The following RGSL1 variants were observed in gnomAD, a reference collection of about 807,000 sequenced individuals.
RGSL1 encodes the protein regulator of G protein signaling protein-like.
RGSL1 carries 97 observed loss-of-function variants against 124.7 expected under a neutral mutation model. That is an observed-to-expected ratio of 0.78 (90% CI 0.66 to 0.92). The LOEUF is 0.92. RGSL1 is among the 40% of genes least tolerant of loss of function. The probability of loss-of-function intolerance (pLI) is 0.00; values close to 1 mark genes in which losing one functional copy is unlikely to be tolerated. For synonymous variants in RGSL1, 424 were observed against 438.1 expected (o/e 0.97, Z 0.40); for missense variants, 1,233 against 1,288.4 (o/e 0.96, Z 0.66).
chr1:182,458,254 G>C lies in RGSL1; in HGVS notation c.97-65G>C. ...CCTCCCTTCCTCTGTGGCTGTAGAG[G>C]GACTGTGTCATATACATGAAGAGAA... On this transcript the variant is annotated intron_variant, in intron 2 of 21. Coordinates refer to ENST00000294854, the MANE Select transcript of RGSL1 (RefSeq NM_001137669.2). 6 of 1,191,890 alleles carry C rather than the reference G, an allele frequency of 5.0e-6. No homozygotes were observed. In the South Asian group the frequency reaches 6.7e-5, roughly 13 times the overall value. 73.8% of individuals were successfully genotyped at this position (1,191,890 alleles called of 1,614,324 possible). A position where few individuals can be genotyped will look rare whatever the true frequency, so the allele number is the denominator to read the frequency against.
intron 15 of RGSL1, among the ~76,000 whole-genome samples, chr1:182,544,279 T>G (rs266532): frequency 0.62 from 93,471 of 151,860 alleles, 29,544 homozygotes; most frequent in Non-Finnish European, 0.69. Flanking sequence ...GGAGCATGTT[T>G]TTTAATTTCC....
chr1:182,527,322 T>C (rs1393092052), intron 10 of RGSL1, among the ~76,000 whole-genome samples: 1 of 152,028 alleles, frequency 6.6e-6, no homozygotes, highest in Admixed American at 6.6e-5. Flanking sequence ...CTTGAAAAAA[T>C]TGTCCTCATT....
In RGSL1 at chr1:182,474,427, A is replaced by G; in HGVS notation, c.1316A>G (p.Glu439Gly). The change falls in exon 6 of 22, where the codon GAG becomes GGG. Residue 439 changes from glutamate to glycine, a missense_variant. Physicochemically the swap from Glu to Gly is moderately conservative, Grantham distance 98. Coordinates refer to ENST00000294854, the MANE Select transcript of RGSL1 (RefSeq NM_001137669.2). ...AGAATCTGCGAGCTCTACCTGAATG[A>G]GCAGATTGGTCCGTGCTTACCACTC... ...GDRICELYLNEQIGPCLPLKS... is the reference protein window; with the variant it reads ...GDRICELYLNGQIGPCLPLKS... 6.4e-7 allele frequency: 1 copy of G among 1,552,044 alleles called. No individual in the cohort carries two copies. Among genetic ancestry groups the G allele is most frequent in the Non-Finnish European group, 8.7e-7 (1 of 1,147,056 alleles).
intron 9 of RGSL1, among the ~76,000 whole-genome samples, chr1:182,513,656 G>T (rs1363262139): frequency 6.6e-6 from 1 of 152,138 alleles, no homozygotes; most frequent in African/African-American, 2.4e-5. Context: ...TCTTTCTTGT[G>T]TCTCCCTATC....
chr1:182,464,634 G>A (rs1653125979), intron 4 of RGSL1, among the ~76,000 whole-genome samples: 2 of 151,406 alleles, frequency 1.3e-5, no homozygotes, highest in African/African-American at 4.9e-5. Flanking sequence ...TGAGGCAGGA[G>A]AATCACTTGA....
At chr1:182,524,162 G>A (rs1658564104) in intron 10 of RGSL1, among the ~76,000 whole-genome samples, 1 of 152,158 alleles carries the variant, frequency 6.6e-6, no homozygotes. Flanking sequence ...AAAAGGTATT[G>A]GGTAGATTAT....
At chr1:182,487,812 T>C (rs267871) in intron 6 of RGSL1, among the ~76,000 whole-genome samples, 11,959 of 152,290 alleles carry the variant, frequency 0.079, 644 homozygotes, top group East Asian at 0.26. Flanking sequence ...TTAATATATC[T>C]AGCTAAGCAC....
intron 4 of RGSL1, among the ~76,000 whole-genome samples, chr1:182,464,492 AGGG>A (rs1210987919): frequency 6.6e-6 from 1 of 152,028 alleles, no homozygotes; most frequent in Non-Finnish European, 1.5e-5. Flanking sequence ...GGGAGGCCTT[AGGG>A]GGTGGATCAC....
chr1:182,544,111 C>T (rs1221730135), intron 15 of RGSL1, among the ~76,000 whole-genome samples: 1 of 151,812 alleles, frequency 6.6e-6, no homozygotes, highest in Non-Finnish European at 1.5e-5. Context: ...TGAAGTCTTT[C>T]TACTTTTTTG....
chr1:182,532,856 T>A, intron 14 of RGSL1, 65 bp downstream of exon 14: 12 of 1,487,636 alleles, frequency 8.1e-6, no homozygotes, highest in Non-Finnish European at 1.1e-5. Flanking sequence ...TCAGCCCACA[T>A]AAGAAGCTTA....
At position 182,458,335 on chromosome 1, in the gene RGSL1, C is replaced by A. The variant is rs1024079015; in HGVS notation, c.113C>A (p.Pro38Gln). ...GTTTTGCAGGTTTTTGGTCAGACAC[C>A]ATTTTATACTGTTGAAAATTCACAG... ...FLSLPVFGQT[P>Q]FYTVENSQWS... Residue 38 changes from proline (P) to glutamine (Q), a missense_variant, in exon 3 of 22, where the codon CCA becomes CAA. Coordinates refer to ENST00000294854, the MANE Select transcript of RGSL1 (RefSeq NM_001137669.2). 1.9e-6 allele frequency: 3 copies of A among 1,551,876 alleles called. No homozygotes were observed. The African/African-American group carries it at 4.1e-5, about 21-fold the overall frequency.
chr1:182,467,956 AG>A (rs1456717487), intron 4 of RGSL1, among the ~76,000 whole-genome samples: 4 of 152,386 alleles, frequency 2.6e-5, no homozygotes, highest in African/African-American at 9.6e-5. Context: ...AAGTCGGCAA[AG>A]GCTATGAACA....
At chr1:182,515,115 G>A (rs1657763558) in intron 9 of RGSL1, among the ~76,000 whole-genome samples, 1 of 152,166 alleles carries the variant, frequency 6.6e-6, no homozygotes, top group Non-Finnish European at 1.5e-5. Flanking sequence ...CCACCCACAG[G>A]TGTCACTGCA....
rs1659121194 is a variant in RGSL1, at chr1:182,530,856, A to G, written c.2310A>G (p.Gln770=). The G allele has an allele frequency of 1.9e-6, 3 of 1,550,156 alleles. No homozygotes were observed. The Admixed American group carries it at 5.9e-5, about 31-fold the overall frequency. The change falls in exon 13 of 22, where the codon CAA becomes CAG. Residue 770 remains glutamine, a synonymous_variant. Transcript: ENST00000294854. Reference sequence around the variant, plus strand: ...AGGTGGAAGTGCAAAGTGAAGTACAAATTTCGTCTAGGAAGCCCTCAAAGA... The same window carrying G: ...AGGTGGAAGTGCAAAGTGAAGTACAGATTTCGTCTAGGAAGCCCTCAAAGA... ...HQEVEVQSEV[Q]ISSRKPSKIV...
At chr1:182,500,428 T>C (rs968210387) in intron 9 of RGSL1, among the ~76,000 whole-genome samples, 9 of 152,236 alleles carry the variant, frequency 5.9e-5, no homozygotes, top group African/African-American at 1.9e-4. Context: ...ATAGTAAGTT[T>C]TAAAATCAGG....
At chr1:182,472,668 T>C in intron 5 of RGSL1, 111 bp downstream of exon 5, 2 of 1,186,526 alleles carry the variant, frequency 1.7e-6, no homozygotes, top group South Asian at 3.7e-5. Context: ...TTCCATCTTC[T>C]ATGTATCAGA....
intron 16 of RGSL1, 120 bp downstream of exon 16, chr1:182,548,575 T>C: frequency 1.3e-6 from 2 of 1,505,516 alleles, no homozygotes; most frequent in Non-Finnish European, 1.8e-6. Context: ...ATCCTTTACC[T>C]AGCAACTCCA....
At chr1:182,460,784 T>C (rs549573348) in intron 4 of RGSL1, 3 of 449,896 alleles carry the variant, frequency 6.7e-6, no homozygotes, top group Admixed American at 2.4e-5. Context: ...CTAGAGTCTA[T>C]TGAAACTTGC....
chr1:182,460,036 G>A lies in RGSL1; in HGVS notation c.204G>A (p.Leu68=), dbSNP rs1296309280. The change falls in exon 4 of 22, where the codon TTG becomes TTA. Residue 68 remains leucine, a synonymous_variant. Coordinates refer to ENST00000294854, the MANE Select transcript of RGSL1 (RefSeq NM_001137669.2). ...AATACAAAGGGTTATTGACCTGGTT[G>A]GAAAAATGCCGATTACCTTTCTTCT... ...IAKYKGLLTW[L]EKCRLPFFCK... 1 of 1,551,590 alleles carries A rather than the reference G, an allele frequency of 6.4e-7. No homozygotes were observed. Among genetic ancestry groups the A allele is most frequent in the East Asian group, 2.4e-5 (1 of 40,904 alleles).
Sources: gnomAD v4.1 joint callset for allele counts (sites outside exome capture counted in the v4.1 genomes callset) on GRCh38, gnomAD v4.1.1 for gene constraint, MANE v1.5 for transcripts, NCBI Gene and HGNC (gene_info 2026-07-23, HGNC 2026-07-21) for gene names.